ZNG1C: variants seen among roughly 807,000 people sequenced by gnomAD.
ZNG1C encodes the protein zinc-regulated GTPase metalloprotein activator 1C.
chr9:68,276,481 A>T, the ZNG1C span, among the ~76,000 whole-genome samples: 9 of 136,436 alleles, frequency 6.6e-5, no homozygotes, highest in Admixed American at 3.1e-4. Flanking sequence ...TGATTTTTGT[A>T]TAAGGTGTAA....
At chr9:68,269,695 T>G in the ZNG1C span, 1 of 835,654 alleles carries the variant, frequency 1.2e-6, no homozygotes, top group Non-Finnish European at 1.3e-6. Context: ...GAGAAATTCT[T>G]TCTTTGGAAG....
At chr9:68,281,319 T>A in the ZNG1C span, among the ~76,000 whole-genome samples, 1 of 152,258 alleles carries the variant, frequency 6.6e-6, no homozygotes, top group Non-Finnish European at 1.5e-5. Flanking sequence ...CGCTGGGAGC[T>A]GTAGACCGGA....
the ZNG1C span, chr9:68,299,290 A>T: frequency 1.5e-6 from 2 of 1,293,946 alleles, no homozygotes; most frequent in Non-Finnish European, 2.1e-6. Flanking sequence ...AATTTTAGAA[A>T]AGTGGTTAAT....
chr9:68,278,285 GT>G, the ZNG1C span, among the ~76,000 whole-genome samples: 1 of 149,816 alleles, frequency 6.7e-6, no homozygotes, highest in African/African-American at 2.5e-5. Context: ...TTTTTGAAGG[GT>G]TTTTTGTGTC....
At chr9:68,299,351 A>G in the ZNG1C span, 1 of 591,528 alleles carries the variant, frequency 1.7e-6, no homozygotes, top group East Asian at 2.8e-5. Context: ...TAAAGATGGA[A>G]TCACTCAATT....
the ZNG1C span, among the ~76,000 whole-genome samples, chr9:68,281,300 C>T: frequency 9.2e-5 from 14 of 152,326 alleles, no homozygotes; most frequent in Non-Finnish European, 1.8e-4. Context: ...CTGTCTTCTG[C>T]GTCTCTCACG....
the ZNG1C span, among the ~76,000 whole-genome samples, chr9:68,296,682 G>A: frequency 2.0e-5 from 3 of 151,726 alleles, no homozygotes; most frequent in Non-Finnish European, 4.4e-5. Context: ...AATTCATTTT[G>A]AGCTTGGCTT....
the ZNG1C span, among the ~76,000 whole-genome samples, chr9:68,276,393 G>C: frequency 1.7e-5 from 2 of 114,848 alleles, no homozygotes; most frequent in Non-Finnish European, 3.8e-5. Context: ...CCTATGTCCT[G>C]AATGGTAATG....
the ZNG1C span, among the ~76,000 whole-genome samples, chr9:68,275,296 A>T: frequency 7.2e-6 from 1 of 139,616 alleles, no homozygotes; most frequent in Non-Finnish European, 1.6e-5. Flanking sequence ...TTATTTTTTT[A>T]TTTTTTATTT....
chr9:68,290,746 AT>A, the ZNG1C span, among the ~76,000 whole-genome samples: 1 of 140,762 alleles, frequency 7.1e-6, no homozygotes, highest in Non-Finnish European at 1.5e-5. Context: ...TTTGCTGTAT[AT>A]TTTTATGTGG....
At chr9:68,275,574 T>G in the ZNG1C span, among the ~76,000 whole-genome samples, 1 of 123,942 alleles carries the variant, frequency 8.1e-6, no homozygotes. Context: ...GAATATGCGG[T>G]GTTTGGTTTT....
At chr9:68,267,831 G>A in the ZNG1C span, among the ~76,000 whole-genome samples, 4 of 5,932 alleles carry the variant, frequency 6.7e-4, no homozygotes, top group Admixed American at 3.7e-3. Context: ...AACGTTTTTG[G>A]CATAAAAGGA....
At chr9:68,257,012 C>CTTTTTTTTTTTTTTTGT in the ZNG1C span, 1 of 166,290 alleles carries the variant, frequency 6.0e-6, no homozygotes, top group Non-Finnish European at 1.0e-5. Context: ...TTTTATCTTT[C>CTTTTTTTTTTTTTTTGT]TTGGTTTTTT....
At chr9:68,264,855 A>ATGTG in the ZNG1C span, among the ~76,000 whole-genome samples, 12 of 72,244 alleles carry the variant, frequency 1.7e-4, no homozygotes, top group East Asian at 1.1e-3. Context: ...ATATATATAT[A>ATGTG]TGTATAATAA....
the ZNG1C span, among the ~76,000 whole-genome samples, chr9:68,256,171 T>C: frequency 1.3e-5 from 2 of 151,434 alleles, no homozygotes; most frequent in African/African-American, 2.4e-5. Flanking sequence ...CCTACACTCA[T>C]TCTTTTAGAC....
the ZNG1C span, among the ~76,000 whole-genome samples, chr9:68,281,260 C>T: frequency 1.4e-4 from 22 of 152,296 alleles, no homozygotes; most frequent in Middle Eastern, 3.4e-3. Context: ...GAGATGAACC[C>T]GGTACCTCAG....
the ZNG1C span, among the ~76,000 whole-genome samples, chr9:68,290,154 A>G: frequency 9.3e-6 from 1 of 107,444 alleles, no homozygotes. Flanking sequence ...CTGGTTCCAA[A>G]ATGTAGATCA....
At chr9:68,273,236 CCTTGG>C in the ZNG1C span, 1 of 9,674 alleles carries the variant, frequency 1.0e-4, no homozygotes, top group African/African-American at 2.4e-4. Context: ...GATCCGCCCA[CCTTGG>C]CCTCCCAAAG....
At chr9:68,299,124 CAA>C in the ZNG1C span, 1 of 1,607,540 alleles carries the variant, frequency 6.2e-7, no homozygotes, top group Non-Finnish European at 8.5e-7. Flanking sequence ...AGTTTTGAAA[CAA>C]AGTGAAAAAT....
Sources: allele counts gnomAD v4.1 joint callset (sites outside exome capture counted in the v4.1 genomes callset), GRCh38; gene constraint gnomAD v4.1.1; transcripts MANE v1.5; gene names NCBI Gene and HGNC (gene_info 2026-07-23, HGNC 2026-07-21).